MRPS6: variants seen among roughly 807,000 people sequenced by gnomAD.
The protein encoded by MRPS6 is small ribosomal subunit protein bS6m.
Under a neutral mutation model 13.1 loss-of-function variants are expected in MRPS6, and 6 were observed. The observed-to-expected ratio is 0.46, with a 90% CI of 0.25 to 0.91. The LOEUF is 0.91. Ranked by LOEUF, MRPS6 falls within the 40% of genes least tolerant of loss-of-function variation. The pLI, the probability that MRPS6 is intolerant of heterozygous loss-of-function variation, is 0.18. For missense variants in MRPS6, 164 were observed against 155.6 expected (o/e 1.05, Z -0.29); for synonymous variants, 61 against 56.5 (o/e 1.08, Z -0.36).
intron 1 of MRPS6, chr21:34,105,923 T>G: frequency 1.0e-6 from 1 of 988,710 alleles, no homozygotes; most frequent in Non-Finnish European, 1.2e-6. Flanking sequence ...TTCTAACCTA[T>G]TGTGTACAAT....
At chr21:34,074,129 C>T (rs1389819534) in intron 1 of MRPS6, among the ~76,000 whole-genome samples, 2 of 148,956 alleles carry the variant, frequency 1.3e-5, no homozygotes, top group African/African-American at 4.9e-5. Flanking sequence ...CGGCCCGTCC[C>T]CGCCAGTCGT....
Position 34,100,506 on chromosome 21 carries a change from C to G in MRPS6, c.46-24835C>G, listed in dbSNP as rs958784404. On this transcript the variant is annotated intron_variant, in intron 1 of 2. Transcript: ENST00000399312. ...GTCCTTCGGCCTAAATTCAATAGAT[C>G]TCATCTCCTAGGGCTTCCTTTTCAC... 3.0e-6 allele frequency: 3 copies of G among 1,000,118 alleles called. No homozygotes were observed. The African/African-American group carries it at 5.2e-5, about 17-fold the overall frequency. The allele number at this position is 1,000,118 out of a possible 1,614,324, so 62.0% of individuals were successfully genotyped here. A position where few individuals can be genotyped will look rare whatever the true frequency, so the allele number is the denominator to read the frequency against.
chr21:34,125,456 A>G lies in MRPS6; in HGVS notation c.161A>G (p.His54Arg). ...GCGCTTCCTTATAGGATCTCTGCCC[A>G]CAGTCAGCAGCACAACAGAGGCGGG... Reference protein sequence around the residue: ...ERALPYRISAHSQQHNRGGYF... With the variant: ...ERALPYRISARSQQHNRGGYF... Residue 54 changes from histidine (H) to arginine (R), a missense_variant, in exon 2 of 3, where the codon CAC (histidine) becomes CGC (arginine). By Grantham distance (29) the His-to-Arg change is conservative. Coordinates refer to ENST00000399312, the MANE Select transcript of MRPS6 (RefSeq NM_032476.4). The G allele has an allele frequency of 1.2e-6, 2 of 1,614,098 alleles. No individual in the cohort carries two copies. Among genetic ancestry groups the G allele is most frequent in the Non-Finnish European group, 1.7e-6 (2 of 1,179,946 alleles).
At chr21:34,074,476 G>GGT (rs1161230960) in intron 1 of MRPS6, among the ~76,000 whole-genome samples, 2 of 152,204 alleles carry the variant, frequency 1.3e-5, no homozygotes, top group Non-Finnish European at 2.9e-5. Context: ...TTGATCTTGA[G>GGT]GTAGGGGATT....
At chr21:34,112,278 A>T (rs1432590810) in intron 1 of MRPS6, among the ~76,000 whole-genome samples, 2 of 152,194 alleles carry the variant, frequency 1.3e-5, no homozygotes, top group African/African-American at 4.8e-5. Flanking sequence ...CCAGCATCTA[A>T]TAACCATGAG....
At chr21:34,114,060 C>T (rs566597081) in intron 1 of MRPS6, among the ~76,000 whole-genome samples, 9 of 152,168 alleles carry the variant, frequency 5.9e-5, no homozygotes, top group African/African-American at 1.9e-4. Flanking sequence ...CCTTTACTTG[C>T]TGTCATAGTA....
rs954834684 is a variant in MRPS6 at position 34,105,943 on chromosome 21, T to A, written c.46-19398T>A. ...ACCTATTGTGTACAATCTGATTTTT[T>A]AAAATTGTAAACATGTATGATCTTG... On this transcript the variant is annotated intron_variant, in intron 1 of 2. Transcript: ENST00000399312. 1.0e-5 allele frequency: 10 copies of A among 992,922 alleles called. No individual in the cohort carries two copies. In the East Asian group the frequency reaches 1.0e-3, roughly 102 times the overall value. The allele number at this position is 992,922 out of a possible 1,614,324, so 61.5% of individuals were successfully genotyped here.
intron 1 of MRPS6, among the ~76,000 whole-genome samples, chr21:34,076,653 T>C (rs1195033754): frequency 2.0e-5 from 3 of 152,232 alleles, no homozygotes. Context: ...TAAAAAAAGT[T>C]ATTTCTATTT....
At chr21:34,115,858 C>G (rs1264696340) in intron 1 of MRPS6, among the ~76,000 whole-genome samples, 1 of 150,362 alleles carries the variant, frequency 6.7e-6, no homozygotes, top group Non-Finnish European at 1.5e-5. Flanking sequence ...GTTTTGCTAC[C>G]TAGGGAAGAC....
At chr21:34,133,316 T>C (rs1980570151) in intron 2 of MRPS6, among the ~76,000 whole-genome samples, 1 of 152,226 alleles carries the variant, frequency 6.6e-6, no homozygotes, top group Non-Finnish European at 1.5e-5. Context: ...TTAGGATTAT[T>C]GAGTGAGTGC....
rs771300558 is a variant in MRPS6 at position 34,142,470 on chromosome 21, C to A, written c.248C>A (p.Ser83Tyr). The A allele has an allele frequency of 1.2e-5, 20 of 1,610,134 alleles. No homozygotes were observed. The highest frequency in any genetic ancestry group is 1.6e-5 in the Non-Finnish European group (19 of 1,178,482). ...GTTGAAAGCATGGTGGAGCACTTGT[C>A]TCGAGATATAGATGTGATTAGAGGG... The part of the protein sequence containing the change: ...AAVESMVEHL[S>Y]RDIDVIRGNI... The change falls in exon 3 of 3, where the codon TCT (serine) becomes TAT (tyrosine). Residue 83 changes from serine to tyrosine, a missense_variant. Transcript: ENST00000399312.
chr21:34,134,991 T>C (rs1440401950), intron 2 of MRPS6, among the ~76,000 whole-genome samples: 2 of 152,252 alleles, frequency 1.3e-5, no homozygotes, highest in African/African-American at 4.8e-5. Context: ...ATGCGTATAT[T>C]GTAAGTTGAG....
chr21:34,091,265 C>T (rs1978671886), intron 1 of MRPS6, among the ~76,000 whole-genome samples: 4 of 182 alleles, frequency 0.022, no homozygotes, highest in Non-Finnish European at 0.043. Flanking sequence ...TTTGCAGGCC[C>T]CGCCCTGTGT....
chr21:34,088,018 A>AT (rs1978484045), intron 1 of MRPS6, among the ~76,000 whole-genome samples: 1 of 152,166 alleles, frequency 6.6e-6, no homozygotes. Flanking sequence ...AGTAGAACAC[A>AT]TTTTTTGGGC....
intron 1 of MRPS6, among the ~76,000 whole-genome samples, chr21:34,112,116 CT>C (rs1161861283): frequency 6.6e-6 from 1 of 152,118 alleles, no homozygotes; most frequent in African/African-American, 2.4e-5. Flanking sequence ...CAGTGAAGAT[CT>C]TTTAAATTTT....
chr21:34,120,080 A>AT (rs1241670204), intron 1 of MRPS6, among the ~76,000 whole-genome samples: 2 of 152,220 alleles, frequency 1.3e-5, no homozygotes, highest in Non-Finnish European at 2.9e-5. Context: ...GTTAGCATGA[A>AT]TCTAGTCAGC....
intron 1 of MRPS6, chr21:34,124,588 C>T (rs915658867): frequency 7.9e-5 from 12 of 151,698 alleles, no homozygotes; most frequent in African/African-American, 2.9e-4. Flanking sequence ...ACTCCCTTGC[C>T]CTGAACCCCA....
At chr21:34,085,631 C>T (rs1630023) in intron 1 of MRPS6, among the ~76,000 whole-genome samples, 120,218 of 146,178 alleles carry the variant, frequency 0.82, 51,480 homozygotes, top group East Asian at 0.94. Flanking sequence ...GACTGAGTCT[C>T]GCTCTTTCGC....
At chr21:34,090,097 G>A (rs964761181) in intron 1 of MRPS6, among the ~76,000 whole-genome samples, 2 of 152,300 alleles carry the variant, frequency 1.3e-5, no homozygotes, top group East Asian at 3.9e-4. Flanking sequence ...TTTGGGAGGA[G>A]CATTTCAGAT....
Sources: allele counts gnomAD v4.1 joint callset (sites outside exome capture counted in the v4.1 genomes callset), GRCh38; gene constraint gnomAD v4.1.1; transcripts MANE v1.5; gene names NCBI Gene and HGNC (gene_info 2026-07-23, HGNC 2026-07-21).